The following RBFOX1 variants were observed in gnomAD, a reference collection of about 807,000 sequenced individuals.
The protein encoded by RBFOX1 is RNA binding protein fox-1 homolog 1.
Under a neutral mutation model 57.7 loss-of-function variants are expected in RBFOX1, and 8 were observed. The ratio of observed to expected loss-of-function variants is 0.14; its 90% confidence interval spans 0.08 to 0.25. The LOEUF is 0.25. Ranked by LOEUF, RBFOX1 falls within the 10% of genes least tolerant of loss-of-function variation. The probability of loss-of-function intolerance (pLI) is 1.00; values close to 1 mark genes in which losing one functional copy is unlikely to be tolerated. For synonymous variants in RBFOX1, 326 were observed against 222.4 expected, an observed-to-expected ratio of 1.47 and a Z score of -4.15; for missense variants, 611 against 548.5, an observed-to-expected ratio of 1.11 and a Z score of -1.14.
At chr16:7,014,638 T>G (rs1334177150) in intron 3 of RBFOX1, among the ~76,000 whole-genome samples, 4 of 152,118 alleles carry the variant, frequency 2.6e-5, no homozygotes, top group Non-Finnish European at 5.9e-5. Context: ...GGAAAATATA[T>G]TTTGGATTTG....
chr16:6,167,546 G>A (rs780350974), intron 1 of RBFOX1, among the ~76,000 whole-genome samples: 2 of 152,140 alleles, frequency 1.3e-5, no homozygotes, highest in Non-Finnish European at 2.9e-5. Context: ...ATTTTTGGAT[G>A]CCCATCTTAT....
chr16:6,308,167 A>G lies in RBFOX1; in HGVS notation c.-126-8828A>G, dbSNP rs556442300. On this transcript the variant is annotated intron_variant, in intron 1 of 15. Coordinates refer to ENST00000550418, the MANE Select transcript of RBFOX1 (RefSeq NM_018723.4). Reference sequence around the variant, plus strand: ...CTGAGTTATTTGGAATGTCATTTACATACTTTTATAAATTATAATAATTTA... The same window carrying G: ...CTGAGTTATTTGGAATGTCATTTACGTACTTTTATAAATTATAATAATTTA... Among the ~76,000 whole-genome samples, 44 of 151,888 alleles carry G rather than the reference A, an allele frequency of 2.9e-4. 1 individual carries two copies. The South Asian group carries it at 7.5e-3, about 26-fold the overall frequency.
At chr16:6,231,890 A>G (rs554100604) in intron 1 of RBFOX1, among the ~76,000 whole-genome samples, 2 of 148,902 alleles carry the variant, frequency 1.3e-5, no homozygotes, top group East Asian at 3.9e-4. Flanking sequence ...AATTGAAAAC[A>G]ATGAGGGAGG....
intron 2 of RBFOX1, among the ~76,000 whole-genome samples, chr16:6,390,331 C>G (rs1262950652): frequency 1.3e-5 from 2 of 152,096 alleles, no homozygotes; most frequent in East Asian, 1.9e-4. Flanking sequence ...AAATCCTGAA[C>G]TTGAGTGGAG....
rs543434375 is a variant in RBFOX1, at chr16:5,981,016, C to T, written c.351+113681C>T. 9.9e-5 allele frequency among the ~76,000 whole-genome samples: 15 copies of T among 152,278 alleles called. No individual in the cohort carries two copies. In the East Asian group the frequency reaches 2.5e-3, roughly 26 times the overall value. On this transcript the variant is annotated intron_variant, in intron 4 of 19. Transcript: ENST00000641259. ...CACAGCCTGCCTCCCTGGGAGCTCA[C>T]GGAAAATGCGCATCAGACTCCACCC...
chr16:6,414,253 TAAGTC>T (rs1468755977), intron 2 of RBFOX1, among the ~76,000 whole-genome samples: 3 of 152,246 alleles, frequency 2.0e-5, no homozygotes, highest in African/African-American at 2.4e-5. Context: ...CCTGAATTGA[TAAGTC>T]AAGTCACCTA....
intron 4 of RBFOX1, among the ~76,000 whole-genome samples, chr16:7,385,919 C>CTTTT (rs57254482): frequency 0.093 from 12,568 of 135,014 alleles, 820 homozygotes; most frequent in African/African-American, 0.16. Context: ...TGCCCAGTTA[C>CTTTT]TTATTTATTT....
chr16:6,480,088 G>A (rs939379693), intron 2 of RBFOX1, among the ~76,000 whole-genome samples: 1 of 151,492 alleles, frequency 6.6e-6, no homozygotes, highest in Non-Finnish European at 1.5e-5. Flanking sequence ...TAGAAAAATG[G>A]GACTGAAATT....
intron 3 of RBFOX1, among the ~76,000 whole-genome samples, chr16:6,944,265 G>A (rs1165842089): frequency 6.6e-6 from 1 of 151,824 alleles, no homozygotes; most frequent in Non-Finnish European, 1.5e-5. Flanking sequence ...CATGGTGGTG[G>A]GCGCCTGTAA....
chr16:6,604,225 G>C (rs940273628), intron 2 of RBFOX1, among the ~76,000 whole-genome samples: 5 of 151,996 alleles, frequency 3.3e-5, no homozygotes, highest in Admixed American at 3.3e-4. Context: ...AAAAAGTAGG[G>C]AGCCATGATA....
chr16:5,614,500 C>T (rs983061544), intron 3 of RBFOX1, among the ~76,000 whole-genome samples: 4 of 152,100 alleles, frequency 2.6e-5, no homozygotes, highest in South Asian at 2.1e-4. Context: ...TAAATGACTT[C>T]GGATGCACTT....
chr16:6,649,539 G>A (rs956822480), intron 2 of RBFOX1, among the ~76,000 whole-genome samples: 2 of 152,038 alleles, frequency 1.3e-5, no homozygotes, highest in Admixed American at 6.6e-5. Flanking sequence ...CCCTGAGTCC[G>A]CAAAGTCCAC....
intron 4 of RBFOX1, among the ~76,000 whole-genome samples, chr16:7,440,919 G>C (rs998836758): frequency 3.9e-5 from 6 of 152,104 alleles, no homozygotes; most frequent in African/African-American, 1.2e-4. Flanking sequence ...CACAAATGTA[G>C]TCCTAGCTGC....
intron 4 of RBFOX1, among the ~76,000 whole-genome samples, chr16:5,918,686 C>A (rs2058758354): frequency 3.3e-5 from 5 of 152,180 alleles, no homozygotes; most frequent in Admixed American, 3.3e-4. Flanking sequence ...ATTCAGTTAA[C>A]CAAGATGTTA....
intron 3 of RBFOX1, among the ~76,000 whole-genome samples, chr16:6,830,949 A>G (rs766690186): frequency 2.6e-5 from 4 of 152,148 alleles, no homozygotes; most frequent in Non-Finnish European, 5.9e-5. Context: ...ATCCATGGAT[A>G]TTTTATTTAA....
chr16:6,725,410 G>C (rs777388142), intron 3 of RBFOX1, among the ~76,000 whole-genome samples: 9 of 152,066 alleles, frequency 5.9e-5, no homozygotes. Flanking sequence ...ACCTGTACCT[G>C]GTGCCGACCA....
At chr16:6,490,822 G>C (rs762398186) in intron 2 of RBFOX1, among the ~76,000 whole-genome samples, 25 of 152,284 alleles carry the variant, frequency 1.6e-4, no homozygotes, top group Middle Eastern at 3.4e-3. Context: ...ACTCACGTTT[G>C]AACAAAGAGA....
downstream of RBFOX1, among the ~76,000 whole-genome samples, chr16:5,603,834 C>G (rs947965447): frequency 3.3e-5 from 5 of 152,214 alleles, no homozygotes; most frequent in African/African-American, 1.2e-4. Flanking sequence ...TGGGTTCACT[C>G]TGGAGCAAAT....
intron 4 of RBFOX1, among the ~76,000 whole-genome samples, chr16:6,005,663 A>G (rs1008356534): frequency 3.9e-5 from 6 of 152,186 alleles, no homozygotes; most frequent in African/African-American, 1.4e-4. Context: ...ATGACAACCA[A>G]AAATGTCTCT....
Sources: allele counts gnomAD v4.1 joint callset (sites outside exome capture counted in the v4.1 genomes callset), GRCh38; gene constraint gnomAD v4.1.1; transcripts MANE v1.5; gene names NCBI Gene and HGNC (gene_info 2026-07-23, HGNC 2026-07-21).